The following SULF1 variants were observed in gnomAD, a reference collection of about 807,000 sequenced individuals.
SULF1 encodes the protein sulfatase 1.
In SULF1, 46 loss-of-function variants were observed where a neutral mutation model predicts 110.5. That is an observed-to-expected ratio of 0.42 (90% CI 0.33 to 0.53). SULF1 has a LOEUF of 0.53. Among genes scored for constraint, SULF1 ranks in the 20% least tolerant of loss-of-function variants. The pLI is 0.12. For missense variants in SULF1, 941 were observed against 1,094.2 expected (o/e 0.86, Z 1.98); for synonymous variants, 371 against 387.1 (o/e 0.96, Z 0.49).
At chr8:69,566,078 C>T (rs1815862513) in intron 5 of SULF1, among the ~76,000 whole-genome samples, 1 of 152,018 alleles carries the variant, frequency 6.6e-6, no homozygotes, top group Non-Finnish European at 1.5e-5. Context: ...ACGACTCCAG[C>T]ATGGTGCTCA....
chr8:69,640,705 G>A, intron 21 of SULF1, 103 bp from the exon 22 acceptor site: 2 of 978,028 alleles, frequency 2.0e-6, no homozygotes, highest in Non-Finnish European at 3.0e-6. Flanking sequence ...AACACCATGT[G>A]TTTCTTTCTA....
intron 3 of SULF1, among the ~76,000 whole-genome samples, chr8:69,517,458 C>A (rs1488982132): frequency 6.6e-6 from 1 of 152,096 alleles, no homozygotes; most frequent in Non-Finnish European, 1.5e-5. Context: ...CATATTCCTG[C>A]TTGAAATTCT....
At chr8:69,602,651 C>G (rs1016851827) in intron 10 of SULF1, among the ~76,000 whole-genome samples, 11 of 152,194 alleles carry the variant, frequency 7.2e-5, no homozygotes, top group Non-Finnish European at 1.6e-4. Flanking sequence ...GCTGCTGCAT[C>G]ATACTACATC....
intron 3 of SULF1, among the ~76,000 whole-genome samples, chr8:69,511,938 C>T (rs1396538038): frequency 2.6e-5 from 4 of 151,956 alleles, no homozygotes; most frequent in Non-Finnish European, 5.9e-5. Flanking sequence ...GAATAGCATC[C>T]TGCCCTTCTA....
chr8:69,581,308 C>T (rs775512518), intron 6 of SULF1, among the ~76,000 whole-genome samples: 14 of 152,174 alleles, frequency 9.2e-5, no homozygotes, highest in Non-Finnish European at 2.9e-5. Context: ...GACTTTTCTG[C>T]GGCATCAGAT....
rs565688783 is a variant in SULF1 at position 69,486,391 on chromosome 8, T to A, written c.-390-9374T>A. ...AAGTCAGTTTGTCTCCAAAAATTCATGCGTTTTCTCAAAAGAAAGTTCTAT... is the reference window on the plus strand; with the variant it reads ...AAGTCAGTTTGTCTCCAAAAATTCAAGCGTTTTCTCAAAAGAAAGTTCTAT... On this transcript the variant is annotated intron_variant, in intron 1 of 22. Transcript: ENST00000260128. Among the ~76,000 whole-genome samples the A allele has an allele frequency of 1.8e-4, 27 of 151,762 alleles. No individual in the cohort carries two copies. The South Asian group carries it at 5.6e-3, about 32-fold the overall frequency.
intron 22 of SULF1, among the ~76,000 whole-genome samples, chr8:69,647,312 A>G (rs1299015885): frequency 6.6e-6 from 1 of 152,122 alleles, no homozygotes; most frequent in East Asian, 1.9e-4. Flanking sequence ...TTTAATGTCA[A>G]TGCTATATTA....
rs1171089449 is a variant in SULF1 at position 69,605,610 on chromosome 8, G to A, written c.1377+678G>A. Among the ~76,000 whole-genome samples, 12 of 152,262 alleles carry A rather than the reference G, an allele frequency of 7.9e-5. No homozygotes were observed. The East Asian group carries it at 1.5e-3, about 20-fold the overall frequency. Reference sequence around the variant, plus strand: ...CATTGCTTTTAAAGAAAGTGAGTACGTATGAATTTAAACCAGTTTAAAACC... The same window carrying A: ...CATTGCTTTTAAAGAAAGTGAGTACATATGAATTTAAACCAGTTTAAAACC... On this transcript the variant is annotated intron_variant, in intron 13 of 22. Transcript: ENST00000402687.
At chr8:69,620,992 C>A in intron 13 of SULF1, 43 bp from the exon 14 acceptor site, 3 of 1,517,268 alleles carry the variant, frequency 2.0e-6, no homozygotes, top group Non-Finnish European at 1.8e-6. Flanking sequence ...TAAATAACAC[C>A]TGGAGCAGAA....
chr8:69,583,299 C>T (rs1422363980), intron 6 of SULF1, among the ~76,000 whole-genome samples: 1 of 152,046 alleles, frequency 6.6e-6, no homozygotes, highest in Non-Finnish European at 1.5e-5. Context: ...CGCAGCGCCT[C>T]ATGCCTGTAA....
chr8:69,545,302 C>T (rs1044407045), intron 3 of SULF1, among the ~76,000 whole-genome samples: 2 of 151,994 alleles, frequency 1.3e-5, no homozygotes, highest in African/African-American at 2.4e-5. Context: ...TCTGGTCTGA[C>T]GTTAAAGGCC....
At chr8:69,567,079 C>A (rs952773936) in intron 5 of SULF1, among the ~76,000 whole-genome samples, 1 of 152,104 alleles carries the variant, frequency 6.6e-6, no homozygotes, top group Non-Finnish European at 1.5e-5. Context: ...TTATTAAGCA[C>A]CTCCTAAAAA....
chr8:69,489,966 AG>A (rs200359158), upstream of SULF1, among the ~76,000 whole-genome samples: 20 of 152,256 alleles, frequency 1.3e-4, no homozygotes, highest in East Asian at 3.9e-3. Context: ...TGAGATGTTC[AG>A]GCTCTGTCTG....
In SULF1 at chr8:69,636,195, C is replaced by T. The variant is rs181634608; in HGVS notation, c.2285-2307C>T. Among the ~76,000 whole-genome samples the T allele has an allele frequency of 3.9e-5, 6 of 152,276 alleles. 1 individual carries two copies. The highest frequency in any genetic ancestry group is 3.3e-4 in the Admixed American group (5 of 15,302). The stretch of plus-strand genomic sequence containing the variant: ...TCAAAATAGGAACCATTACACCCAA[C>T]GCATTTTCGCCACGAGAAATAAGTT... On this transcript the variant is annotated intron_variant, in intron 19 of 22. Coordinates refer to ENST00000402687, the MANE Select transcript of SULF1 (RefSeq NM_001128205.2).
chr8:69,610,793 A>G (rs1808587861), intron 13 of SULF1, among the ~76,000 whole-genome samples: 1 of 152,198 alleles, frequency 6.6e-6, no homozygotes, highest in Non-Finnish European at 1.5e-5. Flanking sequence ...ACCATTTCCT[A>G]ACAGCCCATC....
chr8:69,489,190 T>C (rs544601892), upstream of SULF1, among the ~76,000 whole-genome samples: 1 of 152,352 alleles, frequency 6.6e-6, no homozygotes, highest in East Asian at 1.9e-4. Context: ...ATGAGACTCA[T>C]GTTCCCTTGA....
At chr8:69,534,701 A>C (rs1434653346) in intron 3 of SULF1, among the ~76,000 whole-genome samples, 1 of 152,134 alleles carries the variant, frequency 6.6e-6, no homozygotes. Flanking sequence ...TTTTTTTGAG[A>C]CAAGATAGCA....
intron 3 of SULF1, among the ~76,000 whole-genome samples, chr8:69,544,474 G>A (rs1038864357): frequency 1.3e-5 from 2 of 151,958 alleles, no homozygotes; most frequent in Admixed American, 1.3e-4. Flanking sequence ...TCACCATGTT[G>A]GTCAGGCTGG....
chr8:69,610,323 CTTCTGACCCT>C (rs1159406154), intron 13 of SULF1, among the ~76,000 whole-genome samples: 1 of 152,182 alleles, frequency 6.6e-6, no homozygotes, highest in East Asian at 1.9e-4. Context: ...GCCGTATATC[CTTCTGACCCT>C]TTGTGACCAG....
Sources: gnomAD v4.1 joint callset for allele counts (sites outside exome capture counted in the v4.1 genomes callset) on GRCh38, gnomAD v4.1.1 for gene constraint, MANE v1.5 for transcripts, NCBI Gene and HGNC (gene_info 2026-07-23, HGNC 2026-07-21) for gene names.